The following SLC6A6 variants were observed in gnomAD, a reference collection of about 807,000 sequenced individuals.
The protein encoded by SLC6A6 is solute carrier family 6 member 6, also known as sodium- and chloride-dependent taurine transporter.
Under a neutral mutation model 68.8 loss-of-function variants are expected in SLC6A6, and 16 were observed. That is an observed-to-expected ratio of 0.23 (90% CI 0.16 to 0.35). SLC6A6 has a LOEUF of 0.35. SLC6A6 is among the 10% of genes least tolerant of loss of function. The pLI is 1.00. For missense variants in SLC6A6, 474 were observed against 802.8 expected (o/e 0.59, Z 4.95); for synonymous variants, 312 against 315.4 (o/e 0.99, Z 0.12).
chr3:14,443,511 C>T (rs1427344418), intron 2 of SLC6A6, 113 bp from the exon 3 acceptor site: 2 of 723,458 alleles, frequency 2.8e-6, no homozygotes, highest in East Asian at 5.1e-5. Context: ...GGCCCCTTGC[C>T]ACAGGCCCGG....
intron 2 of SLC6A6, among the ~76,000 whole-genome samples, chr3:14,436,276 C>T (rs1699849025): frequency 6.6e-6 from 1 of 152,190 alleles, no homozygotes; most frequent in Non-Finnish European, 1.5e-5. Context: ...TCACAACTCA[C>T]TGCAGCCTCC....
chr3:14,477,083 T>C lies in SLC6A6; in HGVS notation c.1210-122T>C. The C allele has an allele frequency of 1.1e-6, 1 of 923,618 alleles. No individual in the cohort carries two copies. Among genetic ancestry groups the C allele is most frequent in the Non-Finnish European group, 1.7e-6 (1 of 595,322 alleles). The allele number at this position is 923,618 out of a possible 1,614,324, so 57.2% of individuals were successfully genotyped here. ...TGGACTTGATCTCACAGGCCAATTC[T>C]GGACACAAGGATGGTCACGTCTGCT... On this transcript the variant is annotated intron_variant, in intron 10 of 14. Coordinates refer to ENST00000622186, the MANE Select transcript of SLC6A6 (RefSeq NM_003043.6). This position sits in a 1 kb window ranked among gnomAD's most constrained non-coding sequence, Gnocchi z 4.2.
At chr3:14,443,502 GCCCCTT>G in intron 2 of SLC6A6, 116 bp from the exon 3 acceptor site, 1 of 665,990 alleles carries the variant, frequency 1.5e-6, no homozygotes, top group South Asian at 1.8e-5. Context: ...GGGATGCCAG[GCCCCTT>G]GCCACAGGCC....
chr3:14,426,479 C>T (rs1368037140), intron 2 of SLC6A6, among the ~76,000 whole-genome samples: 3 of 152,216 alleles, frequency 2.0e-5, no homozygotes, highest in Admixed American at 6.5e-5. Context: ...TAAAGCATTT[C>T]GAGTGTGCTT....
intron 2 of SLC6A6, 85 bp from the exon 3 acceptor site, chr3:14,443,539 C>T (rs922139966): frequency 2.0e-5 from 20 of 984,564 alleles, no homozygotes; most frequent in Middle Eastern, 3.1e-4. Flanking sequence ...GGAGCCGGCT[C>T]GTGGATGAGG....
chr3:14,410,537 G>A (rs556686230), intron 1 of SLC6A6, among the ~76,000 whole-genome samples: 1 of 152,326 alleles, frequency 6.6e-6, no homozygotes, highest in South Asian at 2.1e-4. Context: ...GTGGAAGGTA[G>A]GGAGAGGGCT....
chr3:14,440,992 G>A (rs1261604752), intron 2 of SLC6A6, among the ~76,000 whole-genome samples: 1 of 152,012 alleles, frequency 6.6e-6, no homozygotes, highest in African/African-American at 2.4e-5. Context: ...AGTGTGGAAG[G>A]GGGTGGAGGC....
chr3:14,430,406 C>T (rs1249874922), intron 2 of SLC6A6, among the ~76,000 whole-genome samples: 1 of 152,038 alleles, frequency 6.6e-6, no homozygotes, highest in African/African-American at 2.4e-5. Context: ...GAAGGTATAC[C>T]ATGTCCCCAG....
At chr3:14,437,382 C>G (rs543787811) in intron 2 of SLC6A6, among the ~76,000 whole-genome samples, 23 of 151,906 alleles carry the variant, frequency 1.5e-4, no homozygotes, top group South Asian at 2.1e-4. Flanking sequence ...CTCAGCCTCC[C>G]GAGTAGCTGG....
chr3:14,452,200 TG>T (rs1417119912), intron 5 of SLC6A6, among the ~76,000 whole-genome samples: 2 of 152,134 alleles, frequency 1.3e-5, no homozygotes, highest in Admixed American at 1.3e-4. Context: ...CCTTTCCTTG[TG>T]GGGGGAGACA....
rs1179242316 is a variant in SLC6A6, at chr3:14,477,734, G to A, written c.1347+392G>A. On this transcript the variant is annotated intron_variant, in intron 11 of 14. Coordinates refer to ENST00000622186, the MANE Select transcript of SLC6A6 (RefSeq NM_003043.6). The surrounding 1 kb of genome is among the most constrained non-coding windows in gnomAD (Gnocchi z 4.2). ...CTCCCAGGAAATACCACAGCACCAC[G>A]TAGAGGTGCACCACCTTGCAGGTCA... Among the ~76,000 whole-genome samples, 3 of 152,282 alleles carry A rather than the reference G, an allele frequency of 2.0e-5. No homozygotes were observed. The highest frequency in any genetic ancestry group is 1.9e-4 in the East Asian group (1 of 5,172).
Position 14,447,761 on chromosome 3 carries a change from G to A in SLC6A6, c.544G>A (p.Val182Ile), listed in dbSNP as rs1211410002. 3.3e-5 allele frequency: 53 copies of A among 1,614,130 alleles called. No homozygotes were observed. Among genetic ancestry groups the A allele is most frequent in the Non-Finnish European group, 4.5e-5 (53 of 1,180,052 alleles). The stretch of plus-strand genomic sequence containing the variant: ...GGACACCATGCGCAAGAACAAGAGT[G>A]TCTGGATCACCATCAGCTCCACCAA... ...MEDTMRKNKS[V>I]WITISSTNFT... The change falls in exon 5 of 15, where the codon GTC becomes ATC. Residue 182 changes from valine to isoleucine, a missense_variant. Val to Ile is a conservative substitution (Grantham distance 29, BLOSUM62 3). Transcript: ENST00000622186.
intron 1 of SLC6A6, among the ~76,000 whole-genome samples, chr3:14,403,535 C>A (rs1333362571): frequency 1.3e-5 from 2 of 152,084 alleles, no homozygotes; most frequent in Non-Finnish European, 2.9e-5. Context: ...TCTCCAGGGC[C>A]GGCGCTGAGT....
At chr3:14,478,348 CTT>C (rs756850401) in intron 11 of SLC6A6, 116 bp from the exon 12 acceptor site, 10 of 692,616 alleles carry the variant, frequency 1.4e-5, no homozygotes, top group African/African-American at 3.6e-5. Context: ...TCATCAGAGT[CTT>C]TGTCCATTTT....
At chr3:14,426,782 C>T (rs1699609140) in intron 2 of SLC6A6, among the ~76,000 whole-genome samples, 1 of 152,054 alleles carries the variant, frequency 6.6e-6, no homozygotes, top group African/African-American at 2.4e-5. Context: ...GGGAGGAGGG[C>T]TGGCCCTGCC....
chr3:14,447,455 TG>T (rs1232142114), intron 4 of SLC6A6, 126 bp from the exon 5 acceptor site: 2 of 1,097,642 alleles, frequency 1.8e-6, no homozygotes, highest in Non-Finnish European at 2.7e-6. Flanking sequence ...AAATATTTGG[TG>T]GTCACTGTTG....
chr3:14,469,209 T>G (rs770143054), intron 9 of SLC6A6, among the ~76,000 whole-genome samples: 1 of 152,120 alleles, frequency 6.6e-6, no homozygotes, highest in Non-Finnish European at 1.5e-5. Flanking sequence ...TTTTACATGC[T>G]GAGCCCCCAG....
At position 14,445,835 on chromosome 3, in the gene SLC6A6, C is replaced by A. The variant is rs1186073524; in HGVS notation, c.348C>A (p.Ile116=). The change falls in exon 4 of 15, where the codon ATC becomes ATA. Residue 116 remains isoleucine, a synonymous_variant. Coordinates refer to ENST00000622186, the MANE Select transcript of SLC6A6 (RefSeq NM_003043.6). ...GGGGCATCACCTGCTGGGAAAAGATCTGCCCCTTGTTCTCTGGTGAGTATG... is the reference window on the plus strand; with the variant it reads ...GGGGCATCACCTGCTGGGAAAAGATATGCCCCTTGTTCTCTGGTGAGTATG... ...SEGGITCWEK[I]CPLFSGIGYA... is the part of the protein sequence containing the mutation. 8 of 1,614,120 alleles carry A rather than the reference C, an allele frequency of 5.0e-6. No homozygotes were observed. The highest frequency in any genetic ancestry group is 3.3e-5 in the Admixed American group (2 of 60,010).
intron 2 of SLC6A6, among the ~76,000 whole-genome samples, chr3:14,433,966 T>G (rs1377592948): frequency 6.6e-6 from 1 of 152,148 alleles, no homozygotes. Flanking sequence ...AGCACAAAAC[T>G]TGGGATAAAT....
Sources: allele counts gnomAD v4.1 joint callset (sites outside exome capture counted in the v4.1 genomes callset), GRCh38; gene constraint gnomAD v4.1.1; non-coding constraint Gnocchi (gnomAD v3.1); transcripts MANE v1.5; gene names NCBI Gene and HGNC (gene_info 2026-07-23, HGNC 2026-07-21).